CDH13: variants seen among roughly 807,000 people sequenced by gnomAD.
CDH13 encodes the protein cadherin-13.
In CDH13, 24 loss-of-function variants were observed where a neutral mutation model predicts 63.8. The ratio of observed to expected loss-of-function variants is 0.38; its 90% CI spans 0.27 to 0.53. The LOEUF (loss-of-function observed/expected upper bound fraction) is 0.53, where lower values mean the gene tolerates loss of function less well. Ranked by LOEUF, CDH13 falls within the 20% of genes least tolerant of loss-of-function variation. The probability of loss-of-function intolerance (pLI) is 0.85; values close to 1 mark genes in which losing one functional copy is unlikely to be tolerated. For missense variants in CDH13, 1,049 were observed against 903.1 expected, an observed-to-expected ratio of 1.16 and a Z score of -2.07; for synonymous variants, 503 against 355.3, an observed-to-expected ratio of 1.42 and a Z score of -4.67.
At chr16:83,549,596 G>A (rs1038607095) in intron 7 of CDH13, among the ~76,000 whole-genome samples, 1 of 150,594 alleles carries the variant, frequency 6.6e-6, no homozygotes, top group Non-Finnish European at 1.5e-5. Flanking sequence ...CACTCCCGTA[G>A]CACTGGGACT....
chr16:82,783,432 G>T lies in CDH13; in HGVS notation c.46-74930G>T, dbSNP rs577041180. ...AGCAGAAGCTTGCAGAGCTGCGTGA[G>T]CCTGCCTTCCACTCAGCTTGAATTA... On this transcript the variant is annotated intron_variant, in intron 1 of 13. Coordinates refer to ENST00000567109, the MANE Select transcript of CDH13 (RefSeq NM_001257.5). Among the ~76,000 whole-genome samples, 7 of 152,358 alleles carry T rather than the reference G, an allele frequency of 4.6e-5. 1 individual carries two copies. In the South Asian group the frequency reaches 1.5e-3, roughly 32 times the overall value.
chr16:83,178,238 G>A (rs188248189), intron 4 of CDH13, among the ~76,000 whole-genome samples: 7 of 152,064 alleles, frequency 4.6e-5, no homozygotes, highest in Non-Finnish European at 8.8e-5. Flanking sequence ...GCTTATAAAA[G>A]GATGTTTAAT....
At chr16:83,397,001 A>G (rs1041823950) in intron 6 of CDH13, among the ~76,000 whole-genome samples, 6 of 152,182 alleles carry the variant, frequency 3.9e-5, no homozygotes, top group Non-Finnish European at 7.3e-5. Context: ...GTGGTGCAGA[A>G]TTGGGAAGCC....
intron 9 of CDH13, among the ~76,000 whole-genome samples, chr16:83,671,769 C>G (rs181680748): frequency 5.3e-5 from 8 of 152,186 alleles, no homozygotes; most frequent in Non-Finnish European, 1.2e-4. Flanking sequence ...AACTCACACA[C>G]TGACCCTCTC....
At chr16:83,320,770 A>T (rs6563893) in intron 5 of CDH13, among the ~76,000 whole-genome samples, 104,273 of 152,052 alleles carry the variant, frequency 0.69, 35,869 homozygotes, top group Middle Eastern at 0.76. Context: ...GGAATGAGAA[A>T]AAGCACACAT....
Position 82,858,490 on chromosome 16 carries a change from A to C in CDH13, c.157+17A>C. On this transcript the variant is annotated intron_variant, in intron 2 of 13. Coordinates refer to ENST00000567109, the MANE Select transcript of CDH13 (RefSeq NM_001257.5). ...TTCTAAACTGTAAGCAATGTCACTC[A>C]AAGATGCTTTTAGACTCTTCTCATA... 2 of 1,445,378 alleles carry C rather than the reference A, an allele frequency of 1.4e-6. No homozygotes were observed. The highest frequency in any genetic ancestry group is 1.9e-6 in the Non-Finnish European group (2 of 1,026,596). The allele number at this position is 1,445,378 out of a possible 1,614,324, so 89.5% of individuals were successfully genotyped here.
chr16:83,083,020 G>T lies in CDH13; in HGVS notation c.367-42365G>T, dbSNP rs1191232026. Among the ~76,000 whole-genome samples the T allele has an allele frequency of 2.6e-5, 4 of 152,066 alleles. No individual in the cohort carries two copies. The South Asian group carries it at 6.2e-4, about 24-fold the overall frequency. On this transcript the variant is annotated intron_variant, in intron 3 of 13. Coordinates refer to ENST00000567109, the MANE Select transcript of CDH13 (RefSeq NM_001257.5). ...TAATAGGGAAATAAGTAATAACTTT[G>T]AGAGCAATTTAACTTGATCATGAAT...
At chr16:82,810,576 G>A (rs2037393822) in intron 1 of CDH13, among the ~76,000 whole-genome samples, 1 of 152,138 alleles carries the variant, frequency 6.6e-6, no homozygotes. Context: ...CCGTGGATGT[G>A]GGCAATTGGC....
intron 6 of CDH13, among the ~76,000 whole-genome samples, chr16:83,377,792 G>A (rs994085586): frequency 3.9e-5 from 6 of 152,146 alleles, no homozygotes; most frequent in African/African-American, 1.2e-4. Flanking sequence ...AAAGGCAAGA[G>A]AAGTGAGATT....
intron 2 of CDH13, among the ~76,000 whole-genome samples, chr16:82,997,140 ATGATGGTGATGATGGTGATGATAG>A (rs1414131607): frequency 8.1e-5 from 9 of 110,520 alleles, no homozygotes; most frequent in Non-Finnish European, 9.8e-5. Flanking sequence ...GATGGTGGTG[ATGATGGTGATGATGGTGATGATAG>A]TGATGGTGAT....
chr16:82,715,601 G>T, intron 1 of CDH13, among the ~76,000 whole-genome samples: 1 of 152,076 alleles, frequency 6.6e-6, no homozygotes, highest in East Asian at 1.9e-4. Flanking sequence ...AGCCAAACAG[G>T]AATTTCTATA....
At chr16:83,303,912 C>T (rs995191046) in intron 5 of CDH13, among the ~76,000 whole-genome samples, 1 of 152,116 alleles carries the variant, frequency 6.6e-6, no homozygotes, top group Non-Finnish European at 1.5e-5. Flanking sequence ...GAGGGGTTGA[C>T]CTCCACAATG....
chr16:83,370,666 T>G (rs990007866), intron 6 of CDH13, among the ~76,000 whole-genome samples: 14 of 152,208 alleles, frequency 9.2e-5, no homozygotes, highest in African/African-American at 2.9e-4. Flanking sequence ...TGATCCCTTC[T>G]TCGTGTTCTT....
intron 2 of CDH13, among the ~76,000 whole-genome samples, chr16:82,956,697 G>A (rs990939779): frequency 1.3e-5 from 2 of 152,182 alleles, no homozygotes; most frequent in African/African-American, 4.8e-5. Context: ...GTGTTGAGCA[G>A]AGCCAAACCA....
chr16:83,364,268 A>G (rs976852055), intron 6 of CDH13, among the ~76,000 whole-genome samples: 7 of 152,228 alleles, frequency 4.6e-5, no homozygotes, highest in South Asian at 2.1e-4. Flanking sequence ...TCTACCCAGA[A>G]CTGTTGGTAG....
intron 1 of CDH13, among the ~76,000 whole-genome samples, chr16:82,653,429 C>T (rs1214395551): frequency 6.6e-6 from 1 of 152,152 alleles, no homozygotes; most frequent in Non-Finnish European, 1.5e-5. Flanking sequence ...GAGAGGGACC[C>T]AGGAAGGCCT....
chr16:83,004,724 C>G (rs567389403), intron 2 of CDH13, among the ~76,000 whole-genome samples: 2 of 152,242 alleles, frequency 1.3e-5, no homozygotes, highest in South Asian at 4.2e-4. Context: ...AACTCCTGAC[C>G]TCAAGTGATC....
chr16:83,162,815 T>C (rs2037503988), intron 4 of CDH13, among the ~76,000 whole-genome samples: 1 of 152,106 alleles, frequency 6.6e-6, no homozygotes, highest in Admixed American at 6.6e-5. Context: ...AGACAGTCTG[T>C]AGGCCACCCT....
At chr16:82,909,264 G>GTGTA (rs1314767829) in intron 2 of CDH13, among the ~76,000 whole-genome samples, 1 of 148,704 alleles carries the variant, frequency 6.7e-6, no homozygotes, top group Non-Finnish European at 1.5e-5. Context: ...GTGTGTGTGT[G>GTGTA]TGTGTGTGTG....
Sources: gnomAD v4.1 joint callset for allele counts (sites outside exome capture counted in the v4.1 genomes callset) on GRCh38, gnomAD v4.1.1 for gene constraint, MANE v1.5 for transcripts, NCBI Gene and HGNC (gene_info 2026-07-23, HGNC 2026-07-21) for gene names.